BRCA1: variants seen among roughly 807,000 people sequenced by gnomAD.
BRCA1 encodes the protein BRCA1 DNA repair associated, also known as breast cancer type 1 susceptibility protein.
BRCA1 carries 140 observed loss-of-function variants against 173.7 expected under a neutral mutation model. That is an observed-to-expected ratio of 0.81 (90% CI 0.70 to 0.93). The LOEUF is 0.93. BRCA1 is among the 40% of genes least tolerant of loss of function. The probability of loss-of-function intolerance (pLI) is 0.00; values close to 1 mark genes in which losing one functional copy is unlikely to be tolerated. For synonymous variants in BRCA1, 662 were observed against 756.0 expected, an observed-to-expected ratio of 0.88 and a Z score of 2.04; for missense variants, 1,983 against 2,172.5, an observed-to-expected ratio of 0.91 and a Z score of 1.73.
intron 18 of BRCA1, 55 bp from the exon 19 acceptor site, chr17:43,057,190 A>G (rs1451192673): frequency 6.5e-6 from 10 of 1,547,436 alleles, no homozygotes; most frequent in South Asian, 1.1e-5. Context: ...GCTTCCTTCA[A>G]TGGAAGTGGA....
rs1000484532 is a variant in BRCA1, at chr17:43,115,783, G to A, written c.81-4C>T. ...AGGTTCCTTGATCAACTCCAGACTA[G>A]CAGGGTAGGGGGGGAGAAAAAGAAA... On this transcript the variant is annotated splice_polypyrimidine_tract_variant and splice_region_variant and intron_variant, in intron 2 of 22. Transcript: ENST00000357654. The A allele has an allele frequency of 6.2e-7, 1 of 1,612,882 alleles. No homozygotes were observed. Among genetic ancestry groups the A allele is most frequent in the Non-Finnish European group, 8.5e-7 (1 of 1,179,360 alleles).
rs80358034 is a variant in BRCA1 at position 43,090,935 on chromosome 17, G to A, written c.4185+9C>T. The A allele has an allele frequency of 1.2e-5, 20 of 1,604,074 alleles. No homozygotes were observed. Among genetic ancestry groups the A allele is most frequent in the Middle Eastern group, 1.7e-4 (1 of 6,042 alleles). On this transcript the variant is annotated intron_variant, in intron 11 of 22. Coordinates refer to ENST00000357654, the MANE Select transcript of BRCA1 (RefSeq NM_007294.4). ...CACACGCATGTGCACACACACACACGCTTTTTACCTGAGTGGTTAAAATGT... is the reference window on the plus strand; with the variant it reads ...CACACGCATGTGCACACACACACACACTTTTTACCTGAGTGGTTAAAATGT...
chr17:43,106,374 T>A, intron 4 of BRCA1, 82 bp downstream of exon 4: 2 of 885,964 alleles, frequency 2.3e-6, no homozygotes, highest in Non-Finnish European at 1.8e-6. Flanking sequence ...AATGGTTTTA[T>A]AGGAACGCTA....
chr17:43,121,443 C>A (rs530237481), intron 2 of BRCA1, among the ~76,000 whole-genome samples: 1 of 151,774 alleles, frequency 6.6e-6, no homozygotes, highest in Non-Finnish European at 1.5e-5. Context: ...CCAGCACTTT[C>A]GGAGGCCAAG....
intron 1 of BRCA1, chr17:43,144,302 A>G: frequency 1.4e-5 from 4 of 278,642 alleles, no homozygotes; most frequent in South Asian, 5.9e-5. Context: ...ACATTCATGC[A>G]TGGGCTTGAG....
chr17:43,068,276 CAAA>C (rs766373028), intron 15 of BRCA1, among the ~76,000 whole-genome samples: 2 of 92,200 alleles, frequency 2.2e-5, no homozygotes, highest in Non-Finnish European at 4.5e-5. Flanking sequence ...GACTCCGTCT[CAAA>C]AAAAAAAAAA....
At chr17:43,131,991 C>T (rs1220986998) in intron 1 of BRCA1, among the ~76,000 whole-genome samples, 1 of 152,086 alleles carries the variant, frequency 6.6e-6, no homozygotes, top group African/African-American at 2.4e-5. Flanking sequence ...ACCATGTTGG[C>T]CAGGCTGGTT....
chr17:43,127,384 C>G (rs890379786), upstream of BRCA1, among the ~76,000 whole-genome samples: 6 of 151,948 alleles, frequency 3.9e-5, no homozygotes, highest in Non-Finnish European at 8.8e-5. Context: ...TCTAGCTAAT[C>G]TGGTGGGCAC....
At position 43,104,938 on chromosome 17, in the gene BRCA1, C is replaced by T. The variant is rs80356847; in HGVS notation, c.231G>A (p.Thr77=). 3.7e-6 allele frequency: 6 copies of T among 1,613,712 alleles called. No homozygotes were observed. Among genetic ancestry groups the T allele is most frequent in the Admixed American group, 1.7e-5 (1 of 59,988 alleles). The change falls in exon 5 of 23, where the codon ACG becomes ACA. Residue 77 remains threonine (T), a synonymous_variant. Coordinates refer to ENST00000357654, the MANE Select transcript of BRCA1 (RefSeq NM_007294.4). ...GCTCTTCAACAAGTTGACTAAATCT[C>T]GTACTTTCTTGTAGGCTCCTGAAAT... ...DITKRSLQES[T]RFSQLVEELL...
chr17:43,046,073 C>T (rs906610945), intron 22 of BRCA1, among the ~76,000 whole-genome samples: 11 of 151,888 alleles, frequency 7.2e-5, no homozygotes, highest in African/African-American at 2.7e-4. Flanking sequence ...AGGCACATGC[C>T]ATCACACCCA....
At chr17:43,152,002 C>A (rs1005545316) in intron 1 of BRCA1, among the ~76,000 whole-genome samples, 12 of 152,200 alleles carry the variant, frequency 7.9e-5, no homozygotes, top group African/African-American at 2.4e-4. Flanking sequence ...TAAATATCAT[C>A]ATAAATAACA....
chr17:43,062,098 CTT>C (rs536209322), intron 18 of BRCA1, among the ~76,000 whole-genome samples: 4 of 146,410 alleles, frequency 2.7e-5, no homozygotes, highest in African/African-American at 1.0e-4. Context: ...CACACACACA[CTT>C]TTTTTTTTTT....
At position 43,044,689 on chromosome 17, in the gene BRCA1, G is replaced by A. The variant is rs1352844798; in HGVS notation, c.*989C>T. The A allele has an allele frequency of 2.0e-6, 1 of 505,752 alleles. No homozygotes were observed. Among genetic ancestry groups the A allele is most frequent in the South Asian group, 1.5e-5 (1 of 64,772 alleles). The allele number at this position is 505,752 out of a possible 1,614,324, so 31.3% of individuals were successfully genotyped here. A position where few individuals can be genotyped will look rare whatever the true frequency, so the allele number is the denominator to read the frequency against. ...TTTACTTATTACTAATGAGGAATTAGAAGACTGTCTTTGGAAACCGGTTCT... is the reference window on the plus strand; with the variant it reads ...TTTACTTATTACTAATGAGGAATTAAAAGACTGTCTTTGGAAACCGGTTCT... On this transcript the variant is annotated 3_prime_UTR_variant, in exon 23 of 23. Transcript: ENST00000357654.
At chr17:43,146,258 T>C (rs1287705989) in intron 1 of BRCA1, among the ~76,000 whole-genome samples, 4 of 152,012 alleles carry the variant, frequency 2.6e-5, no homozygotes, top group Non-Finnish European at 4.4e-5. Context: ...GGGATAACTT[T>C]TAAAAAGAAT....
chr17:43,103,585 T>C (rs1005127707), intron 6 of BRCA1, among the ~76,000 whole-genome samples: 1 of 152,084 alleles, frequency 6.6e-6, no homozygotes, highest in Non-Finnish European at 1.5e-5. Context: ...GCCTCCTAAG[T>C]AGCTGGGATT....
chr17:43,168,143 A>G, intron 1 of BRCA1: 1 of 345,134 alleles, frequency 2.9e-6, no homozygotes, highest in East Asian at 1.0e-4. Context: ...AGGAATCCCA[A>G]ATTAATACCC....
At chr17:43,113,001 C>T (rs1214062940) in intron 3 of BRCA1, among the ~76,000 whole-genome samples, 1 of 152,148 alleles carries the variant, frequency 6.6e-6, no homozygotes, top group Admixed American at 6.5e-5. Flanking sequence ...TGGGGTTTCT[C>T]TATGTTGGTC....
intron 1 of BRCA1, among the ~76,000 whole-genome samples, chr17:43,157,734 C>T (rs1227237296): frequency 2.0e-5 from 3 of 151,950 alleles, no homozygotes; most frequent in Non-Finnish European, 2.9e-5. Flanking sequence ...CAGTGGCTCA[C>T]GCCTGTAATC....
chr17:43,157,943 C>A (rs891860993), intron 1 of BRCA1, among the ~76,000 whole-genome samples: 8 of 150,766 alleles, frequency 5.3e-5, no homozygotes, highest in Non-Finnish European at 1.0e-4. Flanking sequence ...TTGTGGTGAG[C>A]CGAGATGTGC....
Sources: gnomAD v4.1 joint callset for allele counts (sites outside exome capture counted in the v4.1 genomes callset) on GRCh38, gnomAD v4.1.1 for gene constraint, MANE v1.5 for transcripts, NCBI Gene and HGNC (gene_info 2026-07-23, HGNC 2026-07-21) for gene names.